The following EXOC4 variants were observed in gnomAD, a reference collection of about 807,000 sequenced individuals.
EXOC4 encodes the protein exocyst complex component 4.
A neutral mutation model predicts 107.2 loss-of-function variants in EXOC4; 71 were observed. The ratio of observed to expected loss-of-function variants is 0.66; its 90% CI spans 0.55 to 0.81. The LOEUF is 0.81. EXOC4 is among the 30% of genes least tolerant of loss of function. The probability of loss-of-function intolerance (pLI) is 0.00; values close to 1 mark genes in which losing one functional copy is unlikely to be tolerated. For synonymous variants in EXOC4, 456 were observed against 441.2 expected, an observed-to-expected ratio of 1.03 and a Z score of -0.42; for missense variants, 1,108 against 1,189.6, an observed-to-expected ratio of 0.93 and a Z score of 1.01.
Position 133,997,475 on chromosome 7 carries a change from T to C in EXOC4, c.2207-17T>C, listed in dbSNP as rs1794421683. On this transcript the variant is annotated splice_polypyrimidine_tract_variant and intron_variant, in intron 14 of 17. Coordinates refer to ENST00000253861, the MANE Select transcript of EXOC4 (RefSeq NM_021807.4). ...GGCATCTAATGAAATGATTGGTGTT[T>C]TATCCTTACCTTTCAGTGCTTTCTC... 7.4e-6 allele frequency: 12 copies of C among 1,613,004 alleles called. No homozygotes were observed. Among genetic ancestry groups the C allele is most frequent in the East Asian group, 2.2e-5 (1 of 44,872 alleles).
chr7:134,069,491 T>C (rs1796243343), downstream of EXOC4, among the ~76,000 whole-genome samples: 1 of 151,472 alleles, frequency 6.6e-6, no homozygotes, highest in African/African-American at 2.4e-5. Flanking sequence ...TCCTCCTTCT[T>C]CTCCTTTCTT....
At chr7:133,629,650 C>T (rs891270549) in intron 9 of EXOC4, among the ~76,000 whole-genome samples, 22 of 152,010 alleles carry the variant, frequency 1.4e-4, no homozygotes, top group African/African-American at 4.4e-4. Context: ...AAGCAATTCT[C>T]CTGCCTCAAC....
intron 10 of EXOC4, among the ~76,000 whole-genome samples, chr7:133,748,927 TC>T (rs1795732990): frequency 6.6e-6 from 1 of 152,110 alleles, no homozygotes; most frequent in African/African-American, 2.4e-5. Flanking sequence ...AAACCCTAGT[TC>T]CCAAATGCTA....
intron 10 of EXOC4, among the ~76,000 whole-genome samples, chr7:133,754,631 A>G (rs1045217446): frequency 1.3e-5 from 2 of 152,198 alleles, no homozygotes; most frequent in African/African-American, 4.8e-5. Context: ...TCATAAATGT[A>G]CAGTATTGAT....
chr7:133,915,604 G>A (rs1427058001), intron 12 of EXOC4, among the ~76,000 whole-genome samples: 3 of 152,196 alleles, frequency 2.0e-5, no homozygotes, highest in African/African-American at 7.2e-5. Context: ...AAGAATGTCA[G>A]AGAACATTGA....
chr7:133,253,547 C>CA (rs1794943060), intron 1 of EXOC4: 1 of 1,002,494 alleles, frequency 1.0e-6, no homozygotes, highest in Admixed American at 5.7e-5. Context: ...TAGCAGCACT[C>CA]ACTGAGAAAG....
chr7:133,258,779 A>G (rs573977042), intron 1 of EXOC4, among the ~76,000 whole-genome samples: 1 of 152,304 alleles, frequency 6.6e-6, no homozygotes, highest in South Asian at 2.1e-4. Flanking sequence ...GAAATCTTGT[A>G]CAGCTGAATT....
intron 6 of EXOC4, among the ~76,000 whole-genome samples, chr7:133,362,368 A>G (rs1796154896): frequency 6.6e-6 from 1 of 152,124 alleles, no homozygotes; most frequent in Non-Finnish European, 1.5e-5. Flanking sequence ...TCTGTCATCC[A>G]TGTGTCTGTC....
intron 9 of EXOC4, among the ~76,000 whole-genome samples, chr7:133,490,572 C>T (rs970077413): frequency 1.3e-5 from 2 of 152,120 alleles, no homozygotes; most frequent in Non-Finnish European, 2.9e-5. Flanking sequence ...CAGAGTTTCA[C>T]AACATGAATC....
At chr7:133,596,611 G>A (rs972688281) in intron 9 of EXOC4, among the ~76,000 whole-genome samples, 26 of 152,182 alleles carry the variant, frequency 1.7e-4, no homozygotes, top group Non-Finnish European at 3.7e-4. Context: ...CAAATAGGGT[G>A]AGCTTTAGTT....
Position 133,943,557 on chromosome 7 carries a change from C to T in EXOC4, c.2206+5488C>T, listed in dbSNP as rs1192132408. The stretch of plus-strand genomic sequence containing the variant: ...AATTCTGTTGTCCCAGCGTATCTCA[C>T]GGGGCTTTTTATCCATGAAACAACT... On this transcript the variant is annotated intron_variant, in intron 14 of 17. Transcript: ENST00000253861. Among the ~76,000 whole-genome samples, 4 of 152,142 alleles carry T rather than the reference C, an allele frequency of 2.6e-5. No individual in the cohort carries two copies. In the South Asian group the frequency reaches 6.2e-4, roughly 24 times the overall value.
chr7:134,073,205 CAAAAA>C, the EXOC4 span, among the ~76,000 whole-genome samples: 6 of 22,586 alleles, frequency 2.7e-4, no homozygotes, highest in Admixed American at 1.0e-3. Flanking sequence ...GACTTCCTCT[CAAAAA>C]AAAAAAAAAA....
intron 9 of EXOC4, among the ~76,000 whole-genome samples, chr7:133,502,388 A>G (rs149146913): frequency 6.6e-6 from 1 of 152,138 alleles, no homozygotes; most frequent in African/African-American, 2.4e-5. Context: ...ATTGTTACTT[A>G]TTATTCAGTT....
chr7:133,753,594 T>C (rs889832066), intron 10 of EXOC4, among the ~76,000 whole-genome samples: 6 of 152,222 alleles, frequency 3.9e-5, no homozygotes, highest in African/African-American at 4.8e-5. Context: ...ATGAATGTTA[T>C]ACTATTTATG....
chr7:133,687,636 G>T (rs1260616204), intron 10 of EXOC4, among the ~76,000 whole-genome samples: 1 of 152,082 alleles, frequency 6.6e-6, no homozygotes, highest in Admixed American at 6.6e-5. Flanking sequence ...CTCTTTGGCT[G>T]TAGCACCTGA....
At chr7:133,829,505 T>C (rs1048913436) in intron 11 of EXOC4, among the ~76,000 whole-genome samples, 2 of 152,210 alleles carry the variant, frequency 1.3e-5, no homozygotes, top group Non-Finnish European at 2.9e-5. Context: ...GATGACATCA[T>C]GGCTGCCTGA....
chr7:133,819,450 T>C (rs117824957), intron 11 of EXOC4, among the ~76,000 whole-genome samples: 7 of 152,104 alleles, frequency 4.6e-5, no homozygotes, highest in Non-Finnish European at 7.4e-5. Context: ...CATATTATAA[T>C]GTCAGGCAGC....
intron 9 of EXOC4, among the ~76,000 whole-genome samples, chr7:133,560,613 C>T (rs1316534710): frequency 6.6e-6 from 1 of 152,066 alleles, no homozygotes; most frequent in East Asian, 1.9e-4. Context: ...CATGGTGTGC[C>T]TTTCCATTTA....
intron 11 of EXOC4, among the ~76,000 whole-genome samples, chr7:133,845,364 G>GTGTGTGTGTA (rs1467237968): frequency 6.7e-5 from 10 of 148,994 alleles, no homozygotes; most frequent in African/African-American, 2.5e-4. Context: ...GTGTGTGTGT[G>GTGTGTGTGTA]TGTGTAAAAT....
Sources: gnomAD v4.1 joint callset for allele counts (sites outside exome capture counted in the v4.1 genomes callset) on GRCh38, gnomAD v4.1.1 for gene constraint, MANE v1.5 for transcripts, NCBI Gene and HGNC (gene_info 2026-07-23, HGNC 2026-07-21) for gene names.